The following DISC1 variants were observed in gnomAD, a reference collection of about 807,000 sequenced individuals.
DISC1 encodes the protein disrupted in schizophrenia 1 protein.
In DISC1, 57 loss-of-function variants were observed where a neutral mutation model predicts 84.5. The ratio of observed to expected loss-of-function variants is 0.67; its 90% CI spans 0.55 to 0.84. The LOEUF (loss-of-function observed/expected upper bound fraction) is 0.84, where lower values mean the gene tolerates loss of function less well. Among genes scored for constraint, DISC1 ranks in the 40% least tolerant of loss-of-function variants. The probability of loss-of-function intolerance (pLI) is 0.00; values close to 1 mark genes in which losing one functional copy is unlikely to be tolerated. For synonymous variants in DISC1, 411 were observed against 415.2 expected (o/e 0.99, Z 0.12); for missense variants, 1,000 against 1,057.8 (o/e 0.95, Z 0.76).
At chr1:231,790,525 CT>C (rs574239990) in intron 6 of DISC1, among the ~76,000 whole-genome samples, 2 of 148,302 alleles carry the variant, frequency 1.3e-5, no homozygotes, top group African/African-American at 2.5e-5. Flanking sequence ...CTTTTCTTTT[CT>C]TTTTTTTTTC....
At chr1:231,857,449 C>T (rs2084350329) in intron 9 of DISC1, among the ~76,000 whole-genome samples, 1 of 152,108 alleles carries the variant, frequency 6.6e-6, no homozygotes, top group African/African-American at 2.4e-5. Flanking sequence ...GTGAAGACGC[C>T]ACTGGCCTGG....
At chr1:231,768,012 C>A (rs112252943) in intron 5 of DISC1, among the ~76,000 whole-genome samples, 1 of 152,110 alleles carries the variant, frequency 6.6e-6, no homozygotes, top group African/African-American at 2.4e-5. Context: ...AATGATTAGC[C>A]GGCTGCTTGG....
intron 9 of DISC1, among the ~76,000 whole-genome samples, chr1:231,850,988 G>A (rs1007425055): frequency 2.0e-5 from 3 of 152,168 alleles, no homozygotes; most frequent in African/African-American, 7.2e-5. Flanking sequence ...CTGGCAGGGT[G>A]TGAAGGTCAT....
In DISC1 at chr1:231,971,971, CTGAGT is replaced by C. The variant is rs561565576; in HGVS notation, c.2042+13085_2042+13089del. Among the ~76,000 whole-genome samples, 16 of 152,320 alleles carry C rather than the reference CTGAGT, an allele frequency of 1.1e-4. No individual in the cohort carries two copies. The East Asian group carries it at 2.7e-3, about 26-fold the overall frequency. On this transcript the variant is annotated intron_variant, in intron 10 of 12. Coordinates refer to ENST00000439617, the MANE Select transcript of DISC1 (RefSeq NM_018662.3). ...GTGACAATTACACGAAGTCATTTGA[CTGAGT>C]TATTTCCTTTATTATTCTGTAAATG...
intron 9 of DISC1, chr1:231,855,525 A>G: frequency 1.4e-6 from 1 of 714,692 alleles, no homozygotes; most frequent in Non-Finnish European, 1.7e-6. Context: ...AACTCTCTTC[A>G]TGAAGTAGTC....
In DISC1 at chr1:232,028,080, A is replaced by G. The variant is rs115283276; in HGVS notation, c.2425+1528A>G. Among the ~76,000 whole-genome samples, 333 of 152,284 alleles carry G rather than the reference A, an allele frequency of 2.2e-3. 3 individuals carry two copies. Among genetic ancestry groups the G allele is most frequent in the African/African-American group, 7.7e-3 (321 of 41,548 alleles). On this transcript the variant is annotated intron_variant, in intron 12 of 12. Transcript: ENST00000439617. ...CTCTTAAAAATCTTGTATTTAAGCTATTATCAGAAAGTTTCCCAAAGAAGC... is the reference window on the plus strand; with the variant it reads ...CTCTTAAAAATCTTGTATTTAAGCTGTTATCAGAAAGTTTCCCAAAGAAGC...
Position 231,749,934 on chromosome 1 carries a change from T to C in DISC1, c.1126T>C (p.Leu376=). The C allele has an allele frequency of 1.2e-6, 2 of 1,614,198 alleles. No individual in the cohort carries two copies. The highest frequency in any genetic ancestry group is 2.2e-5 in the East Asian group (1 of 44,888). ...TCATTTTGGGTTTCCAGCTGAGACG[T>C]TACAACAAAGATTAGAAGACCTGGA... ...ENDDYDKAET[L]QQRLEDLEQE... The change falls in exon 4 of 13, where the codon TTA becomes CTA. Residue 376 remains leucine (L), a synonymous_variant. Coordinates refer to ENST00000439617, the MANE Select transcript of DISC1 (RefSeq NM_018662.3).
In DISC1 at chr1:231,897,654, C is replaced by G. The variant is rs2126019132; in HGVS notation, c.1982-61174C>G. On this transcript the variant is annotated intron_variant, in intron 9 of 12. Coordinates refer to ENST00000439617, the MANE Select transcript of DISC1 (RefSeq NM_018662.3). The surrounding 1 kb of genome is among the most constrained non-coding windows in gnomAD (Gnocchi z 4.5). ...AGTGCTCTGACACAAAGTTTCCCAT[C>G]TGATTTTGAGCTGGTCACCGTGTGC... 6.6e-6 allele frequency among the ~76,000 whole-genome samples: 1 copy of G among 152,270 alleles called. No individual in the cohort carries two copies. The highest frequency in any genetic ancestry group is 1.9e-4 in the East Asian group (1 of 5,184).
At chr1:231,710,210 C>T (rs983793322) in intron 3 of DISC1, among the ~76,000 whole-genome samples, 2 of 152,128 alleles carry the variant, frequency 1.3e-5, no homozygotes, top group African/African-American at 4.8e-5. Context: ...AGCACAATGT[C>T]ATGCACTTGT....
intron 10 of DISC1, among the ~76,000 whole-genome samples, chr1:231,982,808 C>T (rs1663805611): frequency 6.6e-6 from 1 of 152,020 alleles, no homozygotes; most frequent in Non-Finnish European, 1.5e-5. Flanking sequence ...AAGCTGAGGG[C>T]ATGGGAGGGT....
chr1:231,731,803 A>G (rs1321102519), intron 3 of DISC1, among the ~76,000 whole-genome samples: 1 of 152,152 alleles, frequency 6.6e-6, no homozygotes, highest in Non-Finnish European at 1.5e-5. Flanking sequence ...CTTTAAGTGG[A>G]ATATTTCTTC....
chr1:231,627,516 C>T (rs1465051833), intron 1 of DISC1, among the ~76,000 whole-genome samples: 1 of 152,266 alleles, frequency 6.6e-6, no homozygotes, highest in Non-Finnish European at 1.5e-5. Context: ...TCCTACTTGG[C>T]TACAGTAACG....
At chr1:231,726,520 T>C (rs1292653794) in intron 3 of DISC1, among the ~76,000 whole-genome samples, 1 of 152,202 alleles carries the variant, frequency 6.6e-6, no homozygotes, top group African/African-American at 2.4e-5. Context: ...AAATTCAGTC[T>C]ATCTCCCTGG....
intron 1 of DISC1, among the ~76,000 whole-genome samples, chr1:231,669,477 A>G (rs1380123896): frequency 1.3e-5 from 2 of 152,194 alleles, no homozygotes; most frequent in African/African-American, 2.4e-5. Context: ...ACTGCATCCA[A>G]CGAAGGTCTA....
chr1:231,949,485 T>A (rs190929450), intron 9 of DISC1, among the ~76,000 whole-genome samples: 45 of 152,288 alleles, frequency 3.0e-4, no homozygotes, highest in African/African-American at 9.9e-4. Flanking sequence ...GACCTCACTT[T>A]GTGCCTCTGC....
rs145107726 is a variant in DISC1, at chr1:231,769,256, C to G, written c.1399-1579C>G. 4.9e-3 allele frequency among the ~76,000 whole-genome samples: 749 copies of G among 152,278 alleles called. 6 individuals are homozygous for G. Among genetic ancestry groups the G allele is most frequent in the African/African-American group, 0.017 (713 of 41,568 alleles). On this transcript the variant is annotated intron_variant, in intron 5 of 12. Transcript: ENST00000439617. ...TTGACTGTGTGGTCCAGCCACCCCCCCTTCTGGGTATATATCTGTCTCAAA... is the reference window on the plus strand; with the variant it reads ...TTGACTGTGTGGTCCAGCCACCCCCGCTTCTGGGTATATATCTGTCTCAAA...
chr1:232,014,210 G>A (rs1285159945), intron 11 of DISC1, among the ~76,000 whole-genome samples: 1 of 152,150 alleles, frequency 6.6e-6, no homozygotes, highest in Non-Finnish European at 1.5e-5. Context: ...CAGCCATAAT[G>A]GGTGCAGATC....
At chr1:231,717,397 G>T (rs2068905869) in intron 3 of DISC1, among the ~76,000 whole-genome samples, 1 of 152,164 alleles carries the variant, frequency 6.6e-6, no homozygotes, top group African/African-American at 2.4e-5. Context: ...GGTAGCTGGG[G>T]GTCTCTAGGC....
intron 9 of DISC1, among the ~76,000 whole-genome samples, chr1:231,903,234 C>A (rs1327495088): frequency 6.6e-6 from 1 of 151,954 alleles, no homozygotes; most frequent in East Asian, 1.9e-4. Flanking sequence ...GCCCATTTTT[C>A]TTCTTAGGTG....
Sources: allele counts gnomAD v4.1 joint callset (sites outside exome capture counted in the v4.1 genomes callset), GRCh38; gene constraint gnomAD v4.1.1; non-coding constraint Gnocchi (gnomAD v3.1); transcripts MANE v1.5; gene names NCBI Gene and HGNC (gene_info 2026-07-23, HGNC 2026-07-21).